ANKRD13A: variants seen among roughly 807,000 people sequenced by gnomAD.
ANKRD13A encodes the protein ankyrin repeat domain 13A, also known as ankyrin repeat domain-containing protein 13A.
ANKRD13A carries 48 observed loss-of-function variants against 81.3 expected under a neutral mutation model. The observed-to-expected ratio is 0.59, with a 90% CI of 0.47 to 0.75. The LOEUF is 0.75. Among genes scored for constraint, ANKRD13A ranks in the 30% least tolerant of loss-of-function variants. The pLI is 0.00. For missense variants in ANKRD13A, 612 were observed against 734.0 expected, an observed-to-expected ratio of 0.83 and a Z score of 1.92; for synonymous variants, 230 against 270.1, an observed-to-expected ratio of 0.85 and a Z score of 1.45.
chr12:110,009,630 C>T (rs1890411044), intron 1 of ANKRD13A, among the ~76,000 whole-genome samples: 1 of 152,170 alleles, frequency 6.6e-6, no homozygotes, highest in Admixed American at 6.6e-5. Context: ...ATCACACTGT[C>T]ATCATAATAC....
intron 3 of ANKRD13A, among the ~76,000 whole-genome samples, chr12:110,014,822 A>T (rs1890707118): frequency 7.0e-6 from 1 of 143,010 alleles, no homozygotes; most frequent in Admixed American, 6.9e-5. Context: ...CTCGCTCTGT[A>T]GCCCAGGCTG....
At chr12:110,015,945 T>TTTTC (rs1300559342) in intron 3 of ANKRD13A, among the ~76,000 whole-genome samples, 4 of 150,886 alleles carry the variant, frequency 2.7e-5, no homozygotes, top group African/African-American at 9.9e-5. Context: ...TACACTTGTT[T>TTTTC]TTTCTTTCTT....
chr12:110,023,607 G>C (rs889853471), intron 6 of ANKRD13A: 1 of 161,326 alleles, frequency 6.2e-6, no homozygotes, highest in Non-Finnish European at 1.4e-5. Flanking sequence ...AGAATTCCTC[G>C]AGTGAGATGT....
chr12:110,000,417 A>C (rs1006939388), intron 1 of ANKRD13A, among the ~76,000 whole-genome samples: 5 of 152,210 alleles, frequency 3.3e-5, no homozygotes, highest in African/African-American at 1.2e-4. Flanking sequence ...GATACCTAGC[A>C]AAGTTTGAGA....
In ANKRD13A at chr12:110,037,411, C is replaced by T. The variant is rs1389965302; in HGVS notation, c.1630C>T (p.Leu544=). Residue 544 remains leucine (L), a synonymous_variant, in exon 15 of 15, where the codon CTG becomes TTG. Coordinates refer to ENST00000261739, the MANE Select transcript of ANKRD13A (RefSeq NM_033121.2). ...TSTEGLCPSA[L]SETSRFDNDL... ...CACAGAAGGCCTGTGCCCCAGCGCC[C>T]TGAGCGAGACAAGCCGTTTTGATAA... The T allele has an allele frequency of 4.3e-6, 7 of 1,614,196 alleles. No individual in the cohort carries two copies. The highest frequency in any genetic ancestry group is 1.3e-5 in the African/African-American group (1 of 75,052).
At chr12:110,028,020 C>T (rs756383898) in intron 9 of ANKRD13A, 7 of 476,160 alleles carry the variant, frequency 1.5e-5, no homozygotes, top group South Asian at 2.8e-5. Context: ...AAACGAGGGG[C>T]CTCTTTATAG....
At chr12:110,011,581 GT>G (rs1890528059) in intron 1 of ANKRD13A, among the ~76,000 whole-genome samples, 1 of 152,216 alleles carries the variant, frequency 6.6e-6, no homozygotes, top group East Asian at 1.9e-4. Context: ...TGTGCTTTCA[GT>G]TTTGATTAAG....
intron 13 of ANKRD13A, among the ~76,000 whole-genome samples, chr12:110,034,276 A>G (rs1891886442): frequency 6.6e-6 from 1 of 152,186 alleles, no homozygotes. Flanking sequence ...AAGCAGTATC[A>G]TATTTTTCCT....
intron 3 of ANKRD13A, 129 bp from the exon 4 acceptor site, chr12:110,016,259 T>G: frequency 8.2e-5 from 56 of 685,134 alleles, no homozygotes; most frequent in Non-Finnish European, 9.6e-5. Flanking sequence ...GGGGCTTACA[T>G]TTTATTTCTT....
At chr12:110,015,953 C>CTTTTTTTTTTTTTTT (rs559435860) in intron 3 of ANKRD13A, among the ~76,000 whole-genome samples, 1 of 139,588 alleles carries the variant, frequency 7.2e-6, no homozygotes. Flanking sequence ...TTTTTTCTTT[C>CTTTTTTTTTTTTTTT]TTTTTTTTTT....
intron 1 of ANKRD13A, among the ~76,000 whole-genome samples, chr12:110,009,135 G>A (rs959196246): frequency 6.6e-6 from 1 of 152,158 alleles, no homozygotes; most frequent in Non-Finnish European, 1.5e-5. Flanking sequence ...AGGCTGGAGT[G>A]CAATGGCACA....
chr12:110,031,951 T>A (rs915113436), intron 12 of ANKRD13A, among the ~76,000 whole-genome samples: 13 of 152,210 alleles, frequency 8.5e-5, no homozygotes, highest in Non-Finnish European at 1.6e-4. Context: ...TGTCTTACAC[T>A]TTTTTGTAGA....
At chr12:110,004,090 G>A (rs974179596) in intron 1 of ANKRD13A, among the ~76,000 whole-genome samples, 3 of 151,034 alleles carry the variant, frequency 2.0e-5, no homozygotes, top group East Asian at 4.0e-4. Flanking sequence ...CCTGGGAGGC[G>A]GAGGTTGCAG....
chr12:110,024,934 C>T lies in ANKRD13A; in HGVS notation c.802-808C>T, dbSNP rs916481323. ...GCAGTTACAATAATTTTTGTCAGTG[C>T]ACAGAATGCCTTTTAAATAGTGACT... is the stretch of plus-strand genomic sequence containing the variant. On this transcript the variant is annotated intron_variant, in intron 7 of 14. Coordinates refer to ENST00000261739, the MANE Select transcript of ANKRD13A (RefSeq NM_033121.2). Among the ~76,000 whole-genome samples, 5 of 152,206 alleles carry T rather than the reference C, an allele frequency of 3.3e-5. No homozygotes were observed. The East Asian group carries it at 9.6e-4, about 29-fold the overall frequency.
Position 110,033,545 on chromosome 12 carries a change from G to A in ANKRD13A, c.1349-252G>A, listed in dbSNP as rs141771343. ...TATATGTTTAGGGGGAGAAATCTGC[G>A]CTTTTCATTTTATAGTCTTGTGTAT... is the stretch of plus-strand genomic sequence containing the variant. On this transcript the variant is annotated intron_variant, in intron 12 of 14. Coordinates refer to ENST00000261739, the MANE Select transcript of ANKRD13A (RefSeq NM_033121.2). 6.8e-3 allele frequency among the ~76,000 whole-genome samples: 1,039 copies of A among 152,092 alleles called. 2 individuals are homozygous for A. Among genetic ancestry groups the A allele is most frequent in the Non-Finnish European group, 9.5e-3 (644 of 67,986 alleles).
At position 110,018,486 on chromosome 12, in the gene ANKRD13A, A is replaced by G. The variant is rs758997709; in HGVS notation, c.542A>G (p.Glu181Gly). Residue 181 changes from glutamate to glycine, a missense_variant and splice_region_variant, in exon 5 of 15, where the codon GAA (glutamate) becomes GGA (glycine). Physicochemically the swap from Glu to Gly is moderately conservative, Grantham distance 98 (BLOSUM62 -2). Transcript: ENST00000261739. The surrounding 1 kb of genome is among the most constrained non-coding windows in gnomAD (Gnocchi z 4.4). ...RGRRSFIFKGEDNWAELMEVN... is the reference protein window; with the variant it reads ...RGRRSFIFKGGDNWAELMEVN... Reference sequence around the variant, plus strand: ...AGGCGTAGTTTTATATTTAAGGGAGAAGGTGAGTGACTTCTCTTGTAGTAA... The same window carrying G: ...AGGCGTAGTTTTATATTTAAGGGAGGAGGTGAGTGACTTCTCTTGTAGTAA... 1 of 1,613,694 alleles carries G rather than the reference A, an allele frequency of 6.2e-7. No homozygotes were observed. The highest frequency in any genetic ancestry group is 1.1e-5 in the South Asian group (1 of 91,018).
chr12:110,023,938 G>C, intron 6 of ANKRD13A, 108 bp from the exon 7 acceptor site: 1 of 1,089,230 alleles, frequency 9.2e-7, no homozygotes, highest in Non-Finnish European at 1.4e-6. Flanking sequence ...ATTTCCAAGT[G>C]TCCTTCACTA....
chr12:110,002,592 G>A (rs1890034823), intron 1 of ANKRD13A, among the ~76,000 whole-genome samples: 1 of 152,128 alleles, frequency 6.6e-6, no homozygotes, highest in African/African-American at 2.4e-5. Flanking sequence ...CTCCAGGCTG[G>A]GAGACAGAGC....
At chr12:110,025,637 C>A in intron 7 of ANKRD13A, 105 bp from the exon 8 acceptor site, 1 of 770,642 alleles carries the variant, frequency 1.3e-6, no homozygotes, top group South Asian at 1.7e-5. Flanking sequence ...TTTTATTTTG[C>A]TGGATTGTTT....
Sources: gnomAD v4.1 joint callset for allele counts (sites outside exome capture counted in the v4.1 genomes callset) on GRCh38, gnomAD v4.1.1 for gene constraint, Gnocchi (gnomAD v3.1) non-coding constraint, MANE v1.5 for transcripts, NCBI Gene and HGNC (gene_info 2026-07-23, HGNC 2026-07-21) for gene names.